Variants in ATP6V1C2 observed in about 807,000 individuals in gnomAD.
The protein encoded by ATP6V1C2 is V-type proton ATPase subunit C 2.
In ATP6V1C2, 45 loss-of-function variants were observed where a neutral mutation model predicts 56.8. The observed-to-expected ratio is 0.79, with a 90% confidence interval of 0.62 to 1.02. The LOEUF (loss-of-function observed/expected upper bound fraction) is 1.02, where lower values mean the gene tolerates loss of function less well. Ranked by LOEUF, ATP6V1C2 falls within the 50% of genes least tolerant of loss-of-function variation. The pLI, the probability that ATP6V1C2 is intolerant of heterozygous loss-of-function variation, is 0.00. For synonymous variants in ATP6V1C2, 220 were observed against 201.3 expected, an observed-to-expected ratio of 1.09 and a Z score of -0.79; for missense variants, 463 against 519.7, an observed-to-expected ratio of 0.89 and a Z score of 1.06.
intron 10 of ATP6V1C2, 149 bp downstream of exon 10, chr2:10,775,220 G>A: frequency 1.5e-6 from 1 of 666,500 alleles, no homozygotes; most frequent in South Asian, 1.9e-5. Context: ...CTCATGGGAC[G>A]CCTGAGCAGG....
intron 2 of ATP6V1C2, among the ~76,000 whole-genome samples, chr2:10,724,283 C>T (rs1661520307): frequency 1.3e-5 from 2 of 152,178 alleles, no homozygotes; most frequent in Non-Finnish European, 2.9e-5. Flanking sequence ...CATCAGCTAC[C>T]AGGGTTGTAA....
At position 10,783,232 on chromosome 2, in the gene ATP6V1C2, A is replaced by G; in HGVS notation, c.1253A>G (p.Tyr418Cys). ...LNNQDYFPYV[Y>C]FHIDLSLLD ...AACCAAGACTATTTTCCTTATGTCT[A>G]CTTCCATATTGACCTTAGTCTTCTT... is the stretch of plus-strand genomic sequence containing the variant. Residue 418 changes from tyrosine (Y) to cysteine (C), a missense_variant, in exon 14 of 14, where the codon TAC becomes TGC. Transcript: ENST00000272238. The G allele has an allele frequency of 1.2e-6, 2 of 1,613,750 alleles. No individual in the cohort carries two copies. The highest frequency in any genetic ancestry group is 2.2e-5 in the South Asian group (2 of 91,074).
chr2:10,777,713 C>A lies in ATP6V1C2; in HGVS notation c.954C>A (p.Gly318=), dbSNP rs1019971944. 4 of 1,611,646 alleles carry A rather than the reference C, an allele frequency of 2.5e-6. No individual in the cohort carries two copies. The highest frequency in any genetic ancestry group is 4.5e-5 in the East Asian group (2 of 44,844). Residue 318 remains glycine (G), a synonymous_variant, in exon 11 of 14, where the codon GGC becomes GGA. Coordinates refer to ENST00000272238, the MANE Select transcript of ATP6V1C2 (RefSeq NM_001039362.2). ...GQTDRERESE[G]EGEGPLLRWL... is the part of the protein sequence containing the mutation. ...CCGACAGAGAGAGAGAGAGTGAGGG[C>A]GAGGGTGAGGTAAGCAACGCCCCGG...
intron 2 of ATP6V1C2, among the ~76,000 whole-genome samples, chr2:10,725,528 T>C (rs1340667581): frequency 9.4e-5 from 12 of 127,322 alleles, no homozygotes; most frequent in Admixed American, 8.5e-4. Flanking sequence ...GCAGTCTCGC[T>C]CTGCTGACCA....
intron 6 of ATP6V1C2, among the ~76,000 whole-genome samples, chr2:10,770,668 G>C (rs531748869): frequency 6.6e-6 from 1 of 152,312 alleles, no homozygotes; most frequent in African/African-American, 2.4e-5. Flanking sequence ...CAACTGGTGA[G>C]GTTCATTCAT....
At chr2:10,744,687 T>TTTTG (rs1662779998) in intron 3 of ATP6V1C2, among the ~76,000 whole-genome samples, 1 of 147,902 alleles carries the variant, frequency 6.8e-6, no homozygotes, top group South Asian at 2.1e-4. Flanking sequence ...TTTTTTTTTT[T>TTTTG]GAGACAGAGT....
chr2:10,723,779 C>G (rs1200758672), intron 2 of ATP6V1C2, among the ~76,000 whole-genome samples: 1 of 146,988 alleles, frequency 6.8e-6, no homozygotes, highest in Non-Finnish European at 1.5e-5. Context: ...GTGGAGCTTG[C>G]AGTGAGCCGA....
intron 5 of ATP6V1C2, among the ~76,000 whole-genome samples, chr2:10,767,427 T>C (rs1372775182): frequency 6.6e-6 from 1 of 152,054 alleles, no homozygotes; most frequent in Non-Finnish European, 1.5e-5. Flanking sequence ...CCTCTCAAAG[T>C]GCTAGGATTT....
chr2:10,751,068 A>T (rs1290349116), intron 3 of ATP6V1C2, among the ~76,000 whole-genome samples: 1 of 152,246 alleles, frequency 6.6e-6, no homozygotes, highest in Non-Finnish European at 1.5e-5. Context: ...CTTGCAAATT[A>T]TGCCAGAGAT....
chr2:10,733,499 T>C (rs1662077189), intron 3 of ATP6V1C2, among the ~76,000 whole-genome samples: 5 of 152,176 alleles, frequency 3.3e-5, no homozygotes, highest in Admixed American at 1.3e-4. Flanking sequence ...TGTTTTTCCA[T>C]GTAGTTGGAA....
Position 10,775,039 on chromosome 2 carries a change from G to A in ATP6V1C2, c.793G>A (p.Ala265Thr). Residue 265 changes from alanine (A) to threonine (T), a missense_variant, in exon 10 of 14, where the codon GCC becomes ACC. Coordinates refer to ENST00000272238, the MANE Select transcript of ATP6V1C2 (RefSeq NM_001039362.2). ...KEIEREREEMARLLSDKKQQY... is the reference protein window; with the variant it reads ...KEIEREREEMTRLLSDKKQQY... ...AATTGAAAGGGAAAGGGAGGAGATG[G>A]CCAGATTGCTGTCTGATAAGAAGCA... is the stretch of plus-strand genomic sequence containing the variant. 6.2e-7 allele frequency: 1 copy of A among 1,614,062 alleles called. No homozygotes were observed. Among genetic ancestry groups the A allele is most frequent in the East Asian group, 2.2e-5 (1 of 44,876 alleles).
intron 8 of ATP6V1C2, among the ~76,000 whole-genome samples, chr2:10,773,681 C>T (rs1307435968): frequency 6.6e-6 from 1 of 152,222 alleles, no homozygotes; most frequent in African/African-American, 2.4e-5. Context: ...CCACACCCAG[C>T]TTGGTACTCA....
At chr2:10,777,947 G>A (rs1033979627) in intron 11 of ATP6V1C2, among the ~76,000 whole-genome samples, 1 of 151,276 alleles carries the variant, frequency 6.6e-6, no homozygotes, top group Non-Finnish European at 1.5e-5. Flanking sequence ...GCCTCTCCCC[G>A]GGCGCCTGGC....
chr2:10,737,815 T>A (rs573959327), intron 3 of ATP6V1C2, among the ~76,000 whole-genome samples: 1 of 152,258 alleles, frequency 6.6e-6, no homozygotes, highest in South Asian at 2.1e-4. Context: ...TGCCTCAGCC[T>A]CCTGAGTAGC....
In ATP6V1C2 at chr2:10,782,384, C is replaced by T. The variant is rs1199769631; in HGVS notation, c.1194+9C>T. 6.2e-7 allele frequency: 1 copy of T among 1,612,994 alleles called. No individual in the cohort carries two copies. The highest frequency in any genetic ancestry group is 8.5e-7 in the Non-Finnish European group (1 of 1,179,724). On this transcript the variant is annotated intron_variant, in intron 13 of 13. Transcript: ENST00000272238. Reference sequence around the variant, plus strand: ...CTACAAGTATACTGGATGTAGGTATCCAGAAACAGCAGTATTTCTACAGTA... The same window carrying T: ...CTACAAGTATACTGGATGTAGGTATTCAGAAACAGCAGTATTTCTACAGTA...
Position 10,754,824 on chromosome 2 carries a change from G to A in ATP6V1C2, c.283+758G>A, listed in dbSNP as rs371198559. The stretch of plus-strand genomic sequence containing the variant: ...TGATCTCCTGACCTTGTGTCCGCCC[G>A]CCTCGGCCTCCCAAAGTGCTGGGAT... On this transcript the variant is annotated intron_variant, in intron 4 of 13. Coordinates refer to ENST00000272238, the MANE Select transcript of ATP6V1C2 (RefSeq NM_001039362.2). Among the ~76,000 whole-genome samples the A allele has an allele frequency of 2.4e-4, 36 of 151,218 alleles. No homozygotes were observed. The East Asian group carries it at 4.8e-3, about 20-fold the overall frequency.
intron 10 of ATP6V1C2, among the ~76,000 whole-genome samples, chr2:10,776,480 C>T (rs1558425626): frequency 6.6e-6 from 1 of 152,190 alleles, no homozygotes; most frequent in Non-Finnish European, 1.5e-5. Flanking sequence ...CCCACAGACC[C>T]AGACACCAGG....
At chr2:10,758,913 C>G (rs972227750) in intron 4 of ATP6V1C2, among the ~76,000 whole-genome samples, 2 of 152,132 alleles carry the variant, frequency 1.3e-5, no homozygotes, top group Non-Finnish European at 2.9e-5. Flanking sequence ...GTGATCCGCC[C>G]GTCTCAGTCT....
At chr2:10,744,916 G>T (rs192369145) in intron 3 of ATP6V1C2, among the ~76,000 whole-genome samples, 1 of 151,134 alleles carries the variant, frequency 6.6e-6, no homozygotes, top group Non-Finnish European at 1.5e-5. Context: ...TGATCTGCCC[G>T]CCTCAGCCTC....
Sources: gnomAD v4.1 joint callset for allele counts (sites outside exome capture counted in the v4.1 genomes callset) on GRCh38, gnomAD v4.1.1 for gene constraint, MANE v1.5 for transcripts, NCBI Gene and HGNC (gene_info 2026-07-23, HGNC 2026-07-21) for gene names.